Variants in CXXC5 observed in about 807,000 individuals in gnomAD.
CXXC5 encodes the protein CXXC-type zinc finger protein 5.
In CXXC5, 2 loss-of-function variants were observed where a neutral mutation model predicts 17.6. The observed-to-expected ratio is 0.11, with a 90% CI of 0.05 to 0.36. CXXC5 has a LOEUF of 0.36. Ranked by LOEUF, CXXC5 falls within the 10% of genes least tolerant of loss-of-function variation. CXXC5 has a pLI of 1.00. For synonymous variants in CXXC5, 171 were observed against 193.0 expected (o/e 0.89, Z 0.94); for missense variants, 343 against 458.3 (o/e 0.75, Z 2.30).
At chr5:139,664,661 C>T (rs1196133171) in intron 1 of CXXC5, among the ~76,000 whole-genome samples, 4 of 152,190 alleles carry the variant, frequency 2.6e-5, no homozygotes, top group Non-Finnish European at 4.4e-5. Context: ...AAGTTCATTC[C>T]CCGCAGACAG....
At chr5:139,676,660 C>T (rs1756849836) in intron 1 of CXXC5, among the ~76,000 whole-genome samples, 1 of 146,572 alleles carries the variant, frequency 6.8e-6, no homozygotes, top group African/African-American at 2.6e-5. Context: ...TCTACCCTTC[C>T]CTCTGCCTCC....
At chr5:139,654,927 C>G (rs2126746030) in intron 1 of CXXC5, among the ~76,000 whole-genome samples, 2 of 152,246 alleles carry the variant, frequency 1.3e-5, no homozygotes, top group Non-Finnish European at 1.5e-5. Context: ...GACCTGCTGG[C>G]TCAGCTGAGC....
rs1755812881 is a variant in CXXC5 at position 139,661,540 on chromosome 5, G to T, written c.-161+12695G>T. 6.6e-6 allele frequency among the ~76,000 whole-genome samples: 1 copy of T among 152,142 alleles called. No individual in the cohort carries two copies. Among genetic ancestry groups the T allele is most frequent in the Non-Finnish European group, 1.5e-5 (1 of 68,028 alleles). On this transcript the variant is annotated intron_variant, in intron 1 of 2. Coordinates refer to ENST00000302517, the MANE Select transcript of CXXC5 (RefSeq NM_016463.9). The surrounding 1 kb of genome is among the most constrained non-coding windows in gnomAD (Gnocchi z 4.7). ...CAGCCTCTGGCACACACACCCACTG[G>T]CACGTACCTAGGCGAATGCACATAC...
rs1757133978 is a variant in CXXC5 at position 139,680,599 on chromosome 5, G to A, written c.76G>A (p.Gly26Ser). ...CAGCACCAATGGCAGCGGTGGCAGT[G>A]GCAGCAGTGGCCCAAAGGCAGGAGC... ...SSSTNGSGGS[G>S]SSGPKAGAAD... Residue 26 changes from glycine to serine, a missense_variant, in exon 2 of 3, where the codon GGC becomes AGC. Around this residue, in one of 4 missense-constraint regions of CXXC5, gnomAD observed 297 missense variants for 363.4 expected, o/e 0.82. Coordinates refer to ENST00000302517, the MANE Select transcript of CXXC5 (RefSeq NM_016463.9). 1.2e-6 allele frequency: 2 copies of A among 1,608,208 alleles called. No individual in the cohort carries two copies. Among genetic ancestry groups the A allele is most frequent in the Non-Finnish European group, 1.7e-6 (2 of 1,178,226 alleles).
intron 1 of CXXC5, among the ~76,000 whole-genome samples, chr5:139,674,287 C>T (rs1214097861): frequency 6.6e-6 from 1 of 152,212 alleles, no homozygotes; most frequent in Non-Finnish European, 1.5e-5. Context: ...CATTGCCCAG[C>T]TTGGTTCAAC....
At chr5:139,649,596 T>A (rs1370986164) in intron 1 of CXXC5, 1 of 151,742 alleles carries the variant, frequency 6.6e-6, no homozygotes, top group Non-Finnish European at 1.5e-5. Context: ...TTTTTTTCCA[T>A]CAAAGTATCT....
chr5:139,663,642 A>G lies in CXXC5; in HGVS notation c.-161+14797A>G, dbSNP rs1466526060. 6.6e-6 allele frequency among the ~76,000 whole-genome samples: 1 copy of G among 152,138 alleles called. No individual in the cohort carries two copies. Among genetic ancestry groups the G allele is most frequent in the Non-Finnish European group, 1.5e-5 (1 of 68,018 alleles). ...ACTGAGGCATGAAGGATTGCCTCAG[A>G]GCTCAAAAGCAAATGGTGAGAGAAC... On this transcript the variant is annotated intron_variant, in intron 1 of 2. Transcript: ENST00000302517. The surrounding 1 kb of genome is among the most constrained non-coding windows in gnomAD (Gnocchi z 4.2).
intron 1 of CXXC5, among the ~76,000 whole-genome samples, chr5:139,669,831 A>C (rs1253588817): frequency 6.6e-6 from 1 of 152,142 alleles, no homozygotes; most frequent in Non-Finnish European, 1.5e-5. Flanking sequence ...AGGAGACCCC[A>C]CTGCTGCCTC....
rs1288722773 is a variant in CXXC5, at chr5:139,670,957, ACACT to A, written c.-160-9405_-160-9402del. Among the ~76,000 whole-genome samples, 1 of 152,160 alleles carries A rather than the reference ACACT, an allele frequency of 6.6e-6. No homozygotes were observed. On this transcript the variant is annotated intron_variant, in intron 1 of 2. Coordinates refer to ENST00000302517, the MANE Select transcript of CXXC5 (RefSeq NM_016463.9). This position sits in a 1 kb window ranked among gnomAD's most constrained non-coding sequence, Gnocchi z 4.2. ...GTATGCATTGCTCTCGTCACCATAC[ACACT>A]CCAGCCCCCTGAGCCCGCTCCCAGG...
rs1214815891 is a variant in CXXC5, at chr5:139,658,364, C to T, written c.-161+9519C>T. On this transcript the variant is annotated intron_variant, in intron 1 of 2. Coordinates refer to ENST00000302517, the MANE Select transcript of CXXC5 (RefSeq NM_016463.9). The surrounding 1 kb of genome is among the most constrained non-coding windows in gnomAD (Gnocchi z 4.1). ...GCTGCTAGAAGGAAGTGTAAATGGT[C>T]ATGTTTCAGTCTCCTTGTTTGATGC... Among the ~76,000 whole-genome samples, 1 of 152,206 alleles carries T rather than the reference C, an allele frequency of 6.6e-6. No homozygotes were observed. Among genetic ancestry groups the T allele is most frequent in the African/African-American group, 2.4e-5 (1 of 41,438 alleles).
chr5:139,651,572 C>T (rs186216405), intron 1 of CXXC5, among the ~76,000 whole-genome samples: 1 of 152,308 alleles, frequency 6.6e-6, no homozygotes, highest in Admixed American at 6.5e-5. Flanking sequence ...AGTGTGGGGG[C>T]AGGCTTGTAT....
Position 139,683,149 on chromosome 5 carries a change from A to C in CXXC5, c.*242A>C, listed in dbSNP as rs979054191. 2.7e-6 allele frequency: 1 copy of C among 372,892 alleles called. No homozygotes were observed. Among genetic ancestry groups the C allele is most frequent in the Non-Finnish European group, 4.7e-6 (1 of 211,236 alleles). The allele number at this position is 372,892 out of a possible 1,614,324, so 23.1% of individuals were successfully genotyped here. On this transcript the variant is annotated 3_prime_UTR_variant, in exon 3 of 3. Coordinates refer to ENST00000302517, the MANE Select transcript of CXXC5 (RefSeq NM_016463.9). ...CTTTTTCGGAAGAACAACAACAAAA[A>C]AGAGGTAAAGACGAATCTATAAAGT...
In CXXC5 at chr5:139,680,603, G is replaced by T; in HGVS notation, c.80G>T (p.Ser27Ile). 1 of 1,609,048 alleles carries T rather than the reference G, an allele frequency of 6.2e-7. No homozygotes were observed. ...ACCAATGGCAGCGGTGGCAGTGGCA[G>T]CAGTGGCCCAAAGGCAGGAGCAGCA... ...SSTNGSGGSGSSGPKAGAADK... is the reference protein window; with the variant it reads ...SSTNGSGGSGISGPKAGAADK... The change falls in exon 2 of 3, where the codon AGC becomes ATC. Residue 27 changes from serine to isoleucine, a missense_variant. This residue lies in a region of CXXC5 where 297 missense variants were observed against 363.4 expected (regional missense o/e 0.82). Transcript: ENST00000302517.
intron 1 of CXXC5, among the ~76,000 whole-genome samples, chr5:139,651,333 C>CCTCGT (rs1191447643): frequency 6.6e-6 from 1 of 152,060 alleles, no homozygotes; most frequent in Admixed American, 6.6e-5. Flanking sequence ...GGGCCAGTGG[C>CCTCGT]CTCGTCTTTA....
intron 1 of CXXC5, among the ~76,000 whole-genome samples, chr5:139,671,287 C>T (rs946992861): frequency 1.3e-5 from 2 of 152,184 alleles, no homozygotes; most frequent in Admixed American, 6.5e-5. Context: ...CTGGGTCCCT[C>T]CTCCCACCTC....
In CXXC5 at chr5:139,663,736, C is replaced by A. The variant is rs1755945589; in HGVS notation, c.-161+14891C>A. On this transcript the variant is annotated intron_variant, in intron 1 of 2. Coordinates refer to ENST00000302517, the MANE Select transcript of CXXC5 (RefSeq NM_016463.9). This position sits in a 1 kb window ranked among gnomAD's most constrained non-coding sequence, Gnocchi z 4.2. ...TCCGTGACGTTCACACTTATGCTGG[C>A]AGATGTGGACAGTAAAAACAACAAC... is the stretch of plus-strand genomic sequence containing the variant. Among the ~76,000 whole-genome samples, 1 of 152,210 alleles carries A rather than the reference C, an allele frequency of 6.6e-6. No homozygotes were observed. Among genetic ancestry groups the A allele is most frequent in the Non-Finnish European group, 1.5e-5 (1 of 68,036 alleles).
intron 1 of CXXC5, among the ~76,000 whole-genome samples, chr5:139,653,493 G>A (rs1181552480): frequency 6.6e-6 from 1 of 152,182 alleles, no homozygotes; most frequent in Non-Finnish European, 1.5e-5. Context: ...TGTGTGTCTG[G>A]CTGCCAGATC....
intron 1 of CXXC5, among the ~76,000 whole-genome samples, chr5:139,651,908 C>T (rs893016904): frequency 6.6e-6 from 1 of 152,126 alleles, no homozygotes; most frequent in Non-Finnish European, 1.5e-5. Context: ...ATTGCCCACT[C>T]TTTATATGTT....
At position 139,658,591 on chromosome 5, in the gene CXXC5, G is replaced by A. The variant is rs956629739; in HGVS notation, c.-161+9746G>A. 3.9e-5 allele frequency among the ~76,000 whole-genome samples: 6 copies of A among 152,192 alleles called. No individual in the cohort carries two copies. Among genetic ancestry groups the A allele is most frequent in the East Asian group, 1.9e-4 (1 of 5,186 alleles). On this transcript the variant is annotated intron_variant, in intron 1 of 2. Coordinates refer to ENST00000302517, the MANE Select transcript of CXXC5 (RefSeq NM_016463.9). The surrounding 1 kb of genome is among the most constrained non-coding windows in gnomAD (Gnocchi z 4.1). ...ATGCGGCTGGCCCACAGGCACAGGA[G>A]GGGTCCTCTTGGCGGTGCCCGCCCG...
Sources: allele counts gnomAD v4.1 joint callset (sites outside exome capture counted in the v4.1 genomes callset), GRCh38; gene constraint gnomAD v4.1.1; regional missense constraint gnomAD v4.1.1; non-coding constraint Gnocchi (gnomAD v3.1); transcripts MANE v1.5; gene names NCBI Gene and HGNC (gene_info 2026-07-23, HGNC 2026-07-21).